The following ZNF770 variants were observed in gnomAD, a reference collection of about 807,000 sequenced individuals.
ZNF770 encodes zinc finger protein 770.
Under a neutral mutation model 44.8 loss-of-function variants are expected in ZNF770, and 13 were observed. That is an observed-to-expected ratio of 0.29 (90% CI 0.19 to 0.46). The LOEUF (loss-of-function observed/expected upper bound fraction) is 0.46. ZNF770 is among the 20% of genes least tolerant of loss of function. The probability of loss-of-function intolerance (pLI) is 1.00; values close to 1 mark genes in which losing one functional copy is unlikely to be tolerated. For synonymous variants in ZNF770, 304 were observed against 271.8 expected (o/e 1.12, Z -1.17); for missense variants, 681 against 797.9 (o/e 0.85, Z 1.77).
At position 34,982,489 on chromosome 15, in the gene ZNF770, C is replaced by G. The variant is rs199520953; in HGVS notation, c.946G>C (p.Ala316Pro). The G allele has an allele frequency of 1.3e-5, 21 of 1,613,830 alleles. No individual in the cohort carries two copies. Among genetic ancestry groups the G allele is most frequent in the Non-Finnish European group, 1.7e-5 (20 of 1,179,968 alleles). The change falls in exon 3 of 3, where the codon GCT (alanine) becomes CCT (proline). Residue 316 changes from alanine to proline, a missense_variant. Transcript: ENST00000356321. ...EQILNEHSCF[A>P]ARSGKIPSRF... The stretch of plus-strand genomic sequence containing the variant: ...CTTGGAATTTTGCCACTTCTAGCAG[C>G]AAAACAGCTGTGTTCATTGAGAATC...
At position 34,982,135 on chromosome 15, in the gene ZNF770, AATT is replaced by A; in HGVS notation, c.1297_1299del (p.Asn433del). 6.2e-7 allele frequency: 1 copy of A among 1,614,046 alleles called. No homozygotes were observed. ...ATTGACAAGTCTTTCTTATTCACTG[AATT>A]ATCAATGCTTAATATGTTTTCTGTC... On this transcript the variant is annotated inframe_deletion, in exon 3 of 3. Transcript: ENST00000356321.
Position 34,984,094 on chromosome 15 carries a change from C to T in ZNF770, c.-56-604G>A, listed in dbSNP as rs557394857. On this transcript the variant is annotated intron_variant, in intron 2 of 2. Coordinates refer to ENST00000356321, the MANE Select transcript of ZNF770 (RefSeq NM_014106.4). The stretch of plus-strand genomic sequence containing the variant: ...TTCTAGTCCTGGATTTGCCACTATA[C>T]GATCTTGGTGGTAGGAAGAAGGAAA... Among the ~76,000 whole-genome samples, 8 of 151,986 alleles carry T rather than the reference C, an allele frequency of 5.3e-5. No homozygotes were observed. In the South Asian group the frequency reaches 1.0e-3, roughly 20 times the overall value.
chr15:34,982,012 A>T lies in ZNF770; in HGVS notation c.1423T>A (p.Cys475Ser). The change falls in exon 3 of 3, where the codon TGT (cysteine) becomes AGT (serine). Residue 475 changes from cysteine (C) to serine (S), a missense_variant. This residue lies in a region of ZNF770 where 432 missense variants were observed against 434.1 expected (regional missense o/e 1.00). Coordinates refer to ENST00000356321, the MANE Select transcript of ZNF770 (RefSeq NM_014106.4). ...RENIRTRHKI[C>S]PCDKCEKVFP... ...ACCTTCTCACATTTGTCACAAGGAC[A>T]TATCTTATGTCTAGTACGTATGTTT... 2.0e-5 allele frequency: 33 copies of T among 1,613,750 alleles called. No homozygotes were observed. The highest frequency in any genetic ancestry group is 2.5e-5 in the Non-Finnish European group (30 of 1,179,962).
intron 2 of ZNF770, among the ~76,000 whole-genome samples, chr15:34,985,531 C>T (rs1214474740): frequency 6.6e-6 from 1 of 152,090 alleles, no homozygotes. Context: ...GTTTTTCAAA[C>T]TGCAGGATAT....
At chr15:34,984,399 T>C (rs2140522301) in intron 2 of ZNF770, among the ~76,000 whole-genome samples, 1 of 152,360 alleles carries the variant, frequency 6.6e-6, no homozygotes, top group East Asian at 1.9e-4. Context: ...GGCTCACGCC[T>C]GTAATCCCGC....
In ZNF770 at chr15:34,981,830, G is replaced by A; in HGVS notation, c.1605C>T (p.Cys535=). 6.2e-7 allele frequency: 1 copy of A among 1,613,890 alleles called. No individual in the cohort carries two copies. The highest frequency in any genetic ancestry group is 8.5e-7 in the Non-Finnish European group (1 of 1,179,988). Residue 535 remains cysteine (C), a synonymous_variant, in exon 3 of 3, where the codon TGC becomes TGT. Coordinates refer to ENST00000356321, the MANE Select transcript of ZNF770 (RefSeq NM_014106.4). ...HNEKSPYASL[C]QVEFGNFNNL... is the part of the protein sequence containing the mutation. ...TGTTGAAGTTTCCAAATTCTACTTG[G>A]CAAAGAGATGCATAAGGACTCTTTT...
At position 34,982,589 on chromosome 15, in the gene ZNF770, A is replaced by T. The variant is rs761651738; in HGVS notation, c.846T>A (p.Asn282Lys). Residue 282 changes from asparagine (N) to lysine (K), a missense_variant, in exon 3 of 3, where the codon AAT becomes AAA. Around this residue, in one of 5 missense-constraint regions of ZNF770, gnomAD observed 432 missense variants for 434.1 expected, o/e 1.00. Coordinates refer to ENST00000356321, the MANE Select transcript of ZNF770 (RefSeq NM_014106.4). ...NGEIGESEENNPLDVHSIYIV... is the reference protein window; with the variant it reads ...NGEIGESEENKPLDVHSIYIV... ...TATAAATTGAGTGGACATCAAGTGG[A>T]TTATTCTCCTCAGATTCACCAATCT... 1.7e-5 allele frequency: 27 copies of T among 1,613,582 alleles called. No homozygotes were observed. Among genetic ancestry groups the T allele is most frequent in the Non-Finnish European group, 2.2e-5 (26 of 1,180,014 alleles).
Position 34,983,230 on chromosome 15 carries a change from G to T in ZNF770, c.205C>A (p.His69Asn). Residue 69 changes from histidine to asparagine, a missense_variant, in exon 3 of 3, where the codon CAT becomes AAT. Physicochemically the swap from His to Asn is moderately conservative, Grantham distance 68. Coordinates refer to ENST00000356321, the MANE Select transcript of ZNF770 (RefSeq NM_014106.4). ...VCHKTFRQLV[H>N]LERHQLTHSL... ...TGAGTTAGTTGATGCCTCTCCAGAT[G>T]AACTAGTTGTCTAAAGGTTTTATGA... 1.2e-6 allele frequency: 2 copies of T among 1,613,034 alleles called. No individual in the cohort carries two copies. The highest frequency in any genetic ancestry group is 1.7e-6 in the Non-Finnish European group (2 of 1,179,208).
In ZNF770 at chr15:34,979,574, T is replaced by C; in HGVS notation, c.*1785A>G. The C allele has an allele frequency of 2.3e-6, 1 of 439,512 alleles. No individual in the cohort carries two copies. Among genetic ancestry groups the C allele is most frequent in the East Asian group, 7.5e-5 (1 of 13,256 alleles). The allele number at this position is 439,512 out of a possible 1,614,324, so 27.2% of individuals were successfully genotyped here. ...ACTGGGTATTTTACTCAGACTGTCA[T>C]GTTTCATCTCTGTAAATTAAACCCA... On this transcript the variant is annotated 3_prime_UTR_variant, in exon 3 of 3. Coordinates refer to ENST00000356321, the MANE Select transcript of ZNF770 (RefSeq NM_014106.4).
chr15:34,979,667 T>TC lies in ZNF770; in HGVS notation c.*1691dup. 1 of 442,948 alleles carries TC rather than the reference T, an allele frequency of 2.3e-6. No homozygotes were observed. The highest frequency in any genetic ancestry group is 4.5e-6 in the Non-Finnish European group (1 of 221,690). The allele number at this position is 442,948 out of a possible 1,614,324, so 27.4% of individuals were successfully genotyped here. A position where few individuals can be genotyped will look rare whatever the true frequency, so the allele number is the denominator to read the frequency against. ...ACCCCCACCTACTATCCCTCCCGCC[T>TC]CCCCCCTGTCAAAAGAAAGTTCTCA... On this transcript the variant is annotated 3_prime_UTR_variant, in exon 3 of 3. Transcript: ENST00000356321.
Position 34,981,594 on chromosome 15 carries a change from G to A in ZNF770, c.1841C>T (p.Ser614Leu), listed in dbSNP as rs1418306513. 2.5e-6 allele frequency: 4 copies of A among 1,614,018 alleles called. No individual in the cohort carries two copies. Among genetic ancestry groups the A allele is most frequent in the Admixed American group, 1.7e-5 (1 of 59,994 alleles). The change falls in exon 3 of 3, where the codon TCA (serine) becomes TTA (leucine). Residue 614 changes from serine (S) to leucine (L), a missense_variant. This residue lies in a region of ZNF770 where 148 missense variants were observed against 191.0 expected (regional missense o/e 0.77). Coordinates refer to ENST00000356321, the MANE Select transcript of ZNF770 (RefSeq NM_014106.4). ...GACATCATTTTTCTCCTGATGCTCT[G>A]AATAACTGCAAAAAGGATTGCTTTG... ...SEQSNPFCSY[S>L]EHQEKNDVFL...
chr15:34,982,808 T>TGTA lies in ZNF770; in HGVS notation c.624_626dup (p.Thr209dup), dbSNP rs1296138413. The TGTA allele has an allele frequency of 6.2e-7, 1 of 1,613,754 alleles. No homozygotes were observed. The highest frequency in any genetic ancestry group is 8.5e-7 in the Non-Finnish European group (1 of 1,179,976). On this transcript the variant is annotated inframe_insertion, in exon 3 of 3. Transcript: ENST00000356321. ...ATTGAAAAGGTCTTTCTTCTGAATG[T>TGTA]GTAAGTTGGTGGATTTTTAAGTGAG...
intron 2 of ZNF770, among the ~76,000 whole-genome samples, chr15:34,984,430 G>A (rs1285662237): frequency 6.6e-6 from 1 of 152,112 alleles, no homozygotes; most frequent in African/African-American, 2.4e-5. Flanking sequence ...GCTGAGGCTG[G>A]TGGATCACCT....
rs1397264657 is a variant in ZNF770 at position 34,981,351 on chromosome 15, G to C, written c.*8C>G. ...CCAGAGACCACAATTGTTAGTGGTT[G>C]CGACAATTTACATAACCGAATCTAA... is the stretch of plus-strand genomic sequence containing the variant. On this transcript the variant is annotated 3_prime_UTR_variant, in exon 3 of 3. Coordinates refer to ENST00000356321, the MANE Select transcript of ZNF770 (RefSeq NM_014106.4). 6.3e-7 allele frequency: 1 copy of C among 1,597,944 alleles called. No homozygotes were observed. Among genetic ancestry groups the C allele is most frequent in the East Asian group, 2.2e-5 (1 of 44,764 alleles).
Position 34,982,218 on chromosome 15 carries a change from A to C in ZNF770, c.1217T>G (p.Leu406Trp), listed in dbSNP as rs778139071. ...KTIGNRKKKTLTLPFSWQNMG... is the reference protein window; with the variant it reads ...KTIGNRKKKTWTLPFSWQNMG... ...ATTTTGCCAAGAAAATGGCAAAGTC[A>C]ATGTTTTCTTCTTTCTATTGCCAAT... Residue 406 changes from leucine to tryptophan, a missense_variant, in exon 3 of 3, where the codon TTG becomes TGG. Physicochemically the swap from Leu to Trp is moderately conservative, Grantham distance 61. This residue lies in a region of ZNF770 where 432 missense variants were observed against 434.1 expected (regional missense o/e 1.00). Transcript: ENST00000356321. 2 of 1,613,250 alleles carry C rather than the reference A, an allele frequency of 1.2e-6. No homozygotes were observed. The highest frequency in any genetic ancestry group is 4.5e-5 in the East Asian group (2 of 44,872).
At chr15:34,987,402 T>A (rs984213041) in intron 2 of ZNF770, among the ~76,000 whole-genome samples, 155 bp downstream of exon 2, 12 of 150,778 alleles carry the variant, frequency 8.0e-5, no homozygotes, top group East Asian at 5.8e-4. Context: ...TTCAACCGAT[T>A]TTTGTTGATA....
chr15:34,981,489 C>T lies in ZNF770; in HGVS notation c.1946G>A (p.Gly649Glu), dbSNP rs1185842477. Residue 649 changes from glycine (G) to glutamate (E), a missense_variant, in exon 3 of 3, where the codon GGG becomes GAG. By Grantham distance (98) the Gly-to-Glu change is moderately conservative. Coordinates refer to ENST00000356321, the MANE Select transcript of ZNF770 (RefSeq NM_014106.4). Reference protein sequence around the residue: ...KLERHYLIHAGQKPFECSVCG... With the variant: ...KLERHYLIHAEQKPFECSVCG... ...AACTGAGCATTCAAATGGTTTCTGC[C>T]CTGCATGAATTAGGTAGTGTCTTTC... is the stretch of plus-strand genomic sequence containing the variant. 6.2e-7 allele frequency: 1 copy of T among 1,614,144 alleles called. No individual in the cohort carries two copies. The highest frequency in any genetic ancestry group is 1.3e-5 in the African/African-American group (1 of 75,042).
chr15:34,982,530 C>T lies in ZNF770; in HGVS notation c.905G>A (p.Cys302Tyr). 1 of 1,613,948 alleles carries T rather than the reference C, an allele frequency of 6.2e-7. No homozygotes were observed. Among genetic ancestry groups the T allele is most frequent in the South Asian group, 1.1e-5 (1 of 91,056 alleles). Residue 302 changes from cysteine to tyrosine, a missense_variant, in exon 3 of 3, where the codon TGT becomes TAT. This residue lies in a region of ZNF770 where 432 missense variants were observed against 434.1 expected (regional missense o/e 1.00). Transcript: ENST00000356321. ...ATTGAGAATCTGCTCTGATTCAAAA[C>T]ACTTTTCACACTTTGGACATTGAAA... Reference protein sequence around the residue: ...VPFQCPKCEKCFESEQILNEH... With the variant: ...VPFQCPKCEKYFESEQILNEH...
Position 34,982,831 on chromosome 15 carries a change from G to C in ZNF770, c.604C>G (p.His202Asp). The C allele has an allele frequency of 1.2e-6, 2 of 1,613,770 alleles. No homozygotes were observed. The highest frequency in any genetic ancestry group is 1.7e-6 in the Non-Finnish European group (2 of 1,179,950). ...TGTGTAAGTTGGTGGATTTTTAAGT[G>C]AGTTGACTGTCGAAAAGATTTAGTA... ...LCTKSFRQST[H>D]LKIHQLTHSE... The change falls in exon 3 of 3, where the codon CAC becomes GAC. Residue 202 changes from histidine (H) to aspartate (D), a missense_variant. By Grantham distance (81) the His-to-Asp change is moderately conservative. Coordinates refer to ENST00000356321, the MANE Select transcript of ZNF770 (RefSeq NM_014106.4).
Sources: allele counts gnomAD v4.1 joint callset (sites outside exome capture counted in the v4.1 genomes callset), GRCh38; gene constraint gnomAD v4.1.1; regional missense constraint gnomAD v4.1.1; transcripts MANE v1.5; gene names NCBI Gene and HGNC (gene_info 2026-07-23, HGNC 2026-07-21).